The following UAP1 variants were observed in gnomAD, a reference collection of about 807,000 sequenced individuals.
UAP1 encodes the protein UDP-N-acetylglucosamine pyrophosphorylase 1.
In UAP1, 25 loss-of-function variants were observed where a neutral mutation model predicts 58.5. The observed-to-expected ratio is 0.43, with a 90% CI of 0.31 to 0.60. UAP1 has a LOEUF of 0.60. Ranked by LOEUF, UAP1 falls within the 20% of genes least tolerant of loss-of-function variation. The pLI is 0.11. For missense variants in UAP1, 575 were observed against 630.0 expected (o/e 0.91, Z 0.93); for synonymous variants, 208 against 213.0 (o/e 0.98, Z 0.21).
intron 2 of UAP1, among the ~76,000 whole-genome samples, chr1:162,573,876 A>T (rs929475198): frequency 2.0e-5 from 3 of 151,778 alleles, no homozygotes; most frequent in Non-Finnish European, 4.4e-5. Flanking sequence ...GGGTGGGAGG[A>T]TCACTCGAAC....
intron 9 of UAP1, chr1:162,597,147 C>T (rs1411245470): frequency 1.3e-5 from 2 of 152,186 alleles, no homozygotes; most frequent in African/African-American, 2.4e-5. Context: ...ATTTAACTGT[C>T]TGATAGAACT....
intron 2 of UAP1, among the ~76,000 whole-genome samples, chr1:162,572,443 A>G (rs1039391701): frequency 7.2e-5 from 11 of 152,246 alleles, no homozygotes; most frequent in African/African-American, 2.7e-4. Flanking sequence ...GAGCTGAGAC[A>G]TGGAGCTGGC....
chr1:162,588,528 G>T (rs1422497783), intron 6 of UAP1, among the ~76,000 whole-genome samples, 165 bp from the exon 7 acceptor site: 1 of 152,020 alleles, frequency 6.6e-6, no homozygotes, highest in Admixed American at 6.6e-5. Context: ...AGATGATTGG[G>T]GGAAAGCTAT....
chr1:162,576,732 T>G (rs1654205872), intron 2 of UAP1, 45 bp from the exon 3 acceptor site: 1 of 1,534,076 alleles, frequency 6.5e-7, no homozygotes. Flanking sequence ...AATACTAAAG[T>G]GTTGAATTGT....
At position 162,579,480 on chromosome 1, in the gene UAP1, A is replaced by G. The variant is rs1025797658; in HGVS notation, c.538A>G (p.Lys180Glu). 13 of 1,609,626 alleles carry G rather than the reference A, an allele frequency of 8.1e-6. 1 individual carries two copies. Among genetic ancestry groups the G allele is most frequent in the South Asian group, 2.2e-5 (2 of 90,148 alleles). Reference sequence around the variant, plus strand: ...GGAATCTACAAAGGAGTTCTTCACCAAGCACAAGTACTTTGGTTTAAAAAA... The same window carrying G: ...GGAATCTACAAAGGAGTTCTTCACCGAGCACAAGTACTTTGGTTTAAAAAA... Residue 180 changes from lysine to glutamate, a missense_variant, in exon 4 of 11, where the codon AAG (lysine) becomes GAG (glutamate). Physicochemically the swap from Lys to Glu is moderately conservative, Grantham distance 56. Coordinates refer to ENST00000271469, the Ensembl canonical transcript of UAP1.
chr1:162,570,357 G>A (rs1402452266), intron 2 of UAP1, among the ~76,000 whole-genome samples: 1 of 152,082 alleles, frequency 6.6e-6, no homozygotes, highest in Non-Finnish European at 1.5e-5. Flanking sequence ...AAATGTCAAG[G>A]ATATTTTGAA....
At chr1:162,568,759 A>G (rs949271566) in intron 2 of UAP1, among the ~76,000 whole-genome samples, 27 of 152,318 alleles carry the variant, frequency 1.8e-4, no homozygotes, top group Non-Finnish European at 3.5e-4. Context: ...TTTACCCTCT[A>G]GTATCCCAGT....
At chr1:162,566,750 C>T (rs1399059631) in intron 2 of UAP1, among the ~76,000 whole-genome samples, 2 of 152,104 alleles carry the variant, frequency 1.3e-5, no homozygotes, top group Non-Finnish European at 2.9e-5. Context: ...CCTCAGCCTC[C>T]CAAGTAGCTG....
intron 2 of UAP1, among the ~76,000 whole-genome samples, chr1:162,574,176 T>G (rs1224396108): frequency 6.8e-6 from 1 of 147,658 alleles, no homozygotes; most frequent in East Asian, 2.1e-4. Flanking sequence ...CACTGCAGCC[T>G]CCGCCTCCTG....
At chr1:162,577,024 G>C (rs1257307896) in intron 3 of UAP1, 43 bp downstream of exon 3, 1 of 1,570,000 alleles carries the variant, frequency 6.4e-7, no homozygotes, top group African/African-American at 1.4e-5. Context: ...AACATATATT[G>C]TTTTATAATA....
At chr1:162,580,510 C>T (rs917885421) in intron 4 of UAP1, among the ~76,000 whole-genome samples, 4 of 152,198 alleles carry the variant, frequency 2.6e-5, no homozygotes, top group Admixed American at 2.0e-4. Flanking sequence ...ACCCTGAGTA[C>T]AACCTCAGTC....
At chr1:162,592,358 C>T (rs12562775) in intron 8 of UAP1, among the ~76,000 whole-genome samples, 65,899 of 151,996 alleles carry the variant, frequency 0.43, 15,919 homozygotes, top group Non-Finnish European at 0.54. Context: ...CACTGCACTC[C>T]GGCCTGGGTG....
At chr1:162,581,266 A>C in intron 4 of UAP1, 21 bp from the exon 5 acceptor site, 1 of 1,601,662 alleles carries the variant, frequency 6.2e-7, no homozygotes, top group Non-Finnish European at 8.5e-7. Flanking sequence ...TATGCTACTA[A>C]TGGGCTATTT....
chr1:162,566,230 A>G lies in UAP1; in HGVS notation c.162A>G (p.Glu54=), dbSNP rs758585280. Reference sequence around the variant, plus strand: ...ACTTCTTTTTCCAAAAGGCCATTGAAGGTTTTAACCAGTCTTCTCACCAAA... The same window carrying G: ...ACTTCTTTTTCCAAAAGGCCATTGAGGGTTTTAACCAGTCTTCTCACCAAA... Residue 54 remains glutamate (E), a synonymous_variant, in exon 2 of 11, where the codon GAA becomes GAG. Transcript: ENST00000271469. 22 of 1,614,068 alleles carry G rather than the reference A, an allele frequency of 1.4e-5. No homozygotes were observed. In the African/African-American group the frequency reaches 2.7e-4, roughly 20 times the overall value.
At chr1:162,569,193 C>G (rs1271798935) in intron 2 of UAP1, among the ~76,000 whole-genome samples, 1 of 152,178 alleles carries the variant, frequency 6.6e-6, no homozygotes, top group African/African-American at 2.4e-5. Flanking sequence ...TTGTGAAGAT[C>G]ATGGCATTGT....
intron 2 of UAP1, among the ~76,000 whole-genome samples, chr1:162,567,075 GC>G (rs1234260218): frequency 2.6e-5 from 4 of 152,104 alleles, no homozygotes; most frequent in Non-Finnish European, 5.9e-5. Context: ...AGCTTGATGT[GC>G]CCTTTGCCCT....
rs374639581 is a variant in UAP1 at position 162,599,100 on chromosome 1, AAGTC to A, written c.1477-165_1477-162del. Among the ~76,000 whole-genome samples, 385 of 152,296 alleles carry A rather than the reference AAGTC, an allele frequency of 2.5e-3. 3 individuals are homozygous for A. The highest frequency in any genetic ancestry group is 8.9e-3 in the African/African-American group (371 of 41,568). On this transcript the variant is annotated intron_variant, in intron 10 of 10. Transcript: ENST00000271469. ...TTATATTTTTGTTTTATGCTTTTAC[AAGTC>A]AGTCATTAAGTCTACTCTAAAATGT...
At chr1:162,591,056 C>T (rs990430234) in intron 8 of UAP1, among the ~76,000 whole-genome samples, 2 of 151,964 alleles carry the variant, frequency 1.3e-5, no homozygotes, top group African/African-American at 2.4e-5. Context: ...TCCCAAGTAG[C>T]AGGGACTATA....
rs746678581 is a variant in UAP1, at chr1:162,576,890, C to A, written c.394C>A (p.Arg132Ser). 4 of 1,614,058 alleles carry A rather than the reference C, an allele frequency of 2.5e-6. No homozygotes were observed. The South Asian group carries it at 4.4e-5, about 18-fold the overall frequency. Reference sequence around the variant, plus strand: ...GATGTATGATGTTGGTTTGCCATCCCGTAAGACACTTTTTCAGATTCAAGC... The same window carrying A: ...GATGTATGATGTTGGTTTGCCATCCAGTAAGACACTTTTTCAGATTCAAGC... Residue 132 changes from arginine (R) to serine (S), a missense_variant, in exon 3 of 11, where the codon CGT becomes AGT. Transcript: ENST00000271469.
Sources: gnomAD v4.1 joint callset for allele counts (sites outside exome capture counted in the v4.1 genomes callset) on GRCh38, gnomAD v4.1.1 for gene constraint, MANE v1.5 for transcripts, NCBI Gene and HGNC (gene_info 2026-07-23, HGNC 2026-07-21) for gene names.